The following NUP54 variants were observed in gnomAD, a reference collection of about 807,000 sequenced individuals.
NUP54 encodes nucleoporin 54, also known as nucleoporin p54.
In NUP54, 27 loss-of-function variants were observed where a neutral mutation model predicts 66.4. That is an observed-to-expected ratio of 0.41 (90% CI 0.30 to 0.56). NUP54 has a LOEUF of 0.56. Ranked by LOEUF, NUP54 falls within the 20% of genes least tolerant of loss-of-function variation. The pLI is 0.34. For synonymous variants in NUP54, 206 were observed against 210.7 expected (o/e 0.98, Z 0.19); for missense variants, 486 against 596.3 (o/e 0.82, Z 1.93).
At chr4:76,116,887 C>A (rs777460930) in intron 11 of NUP54, among the ~76,000 whole-genome samples, 2 of 152,034 alleles carry the variant, frequency 1.3e-5, no homozygotes, top group Non-Finnish European at 2.9e-5. Context: ...ATCTTTTTGG[C>A]GAGGAGAGGG....
chr4:76,134,099 C>G, intron 5 of NUP54, 76 bp downstream of exon 5: 1 of 1,057,730 alleles, frequency 9.5e-7, no homozygotes, highest in Non-Finnish European at 1.3e-6. Flanking sequence ...GCTTTAGCAA[C>G]AAAAACATTA....
chr4:76,141,996 T>G (rs1269464002), intron 3 of NUP54, among the ~76,000 whole-genome samples: 1 of 152,156 alleles, frequency 6.6e-6, no homozygotes, highest in Non-Finnish European at 1.5e-5. Flanking sequence ...TCCTTGACTA[T>G]GAGCAAGGAT....
intron 1 of NUP54, among the ~76,000 whole-genome samples, chr4:76,146,455 A>G (rs1731503318): frequency 6.6e-6 from 1 of 152,268 alleles, no homozygotes; most frequent in African/African-American, 2.4e-5. Context: ...ATTAAAATGC[A>G]TCATCTTGTC....
chr4:76,127,432 C>CA (rs59383944), intron 8 of NUP54, among the ~76,000 whole-genome samples: 564 of 54,282 alleles, frequency 0.01, 7 homozygotes, highest in South Asian at 0.023. Flanking sequence ...ACCCCCATCT[C>CA]AAAAAAAAAA....
At chr4:76,134,075 G>A (rs962227752) in intron 5 of NUP54, 100 bp downstream of exon 5, 2 of 736,186 alleles carry the variant, frequency 2.7e-6, no homozygotes, top group African/African-American at 3.6e-5. Flanking sequence ...ATTCTGCTCT[G>A]AGAGTTAATT....
At position 76,148,321 on chromosome 4, in the gene NUP54, G is replaced by A. The variant is rs35442986; in HGVS notation, c.54C>T (p.Thr18=). The A allele has an allele frequency of 0.016, 24,118 of 1,524,078 alleles. 2,359 individuals carry two copies. In the African/African-American group the frequency reaches 0.25, roughly 16 times the overall value. The allele number at this position is 1,524,078 out of a possible 1,614,324, so 94.4% of individuals were successfully genotyped here. Residue 18 remains threonine (T), a synonymous_variant, in exon 1 of 12, where the codon ACC becomes ACT. Transcript: ENST00000264883. ...PSGTSGTAAA[T]AAPAGGFGGF... ...GGGATCACTCACCCGCGGGGGCCGC[G>A]GTGGCTGCAGCGGTACCGGAGGTGC... is the stretch of plus-strand genomic sequence containing the variant.
intron 3 of NUP54, among the ~76,000 whole-genome samples, chr4:76,139,877 G>C (rs1731190936): frequency 6.6e-6 from 1 of 152,050 alleles, no homozygotes; most frequent in Non-Finnish European, 1.5e-5. Context: ...TTCTTTGTTA[G>C]CATTTTTCAT....
At chr4:76,122,004 T>C (rs539001955) in intron 9 of NUP54, among the ~76,000 whole-genome samples, 2 of 152,378 alleles carry the variant, frequency 1.3e-5, no homozygotes, top group East Asian at 1.9e-4. Flanking sequence ...ATAATGATGA[T>C]AATATTGGGT....
At chr4:76,132,293 T>C in intron 6 of NUP54, 1 of 305,322 alleles carries the variant, frequency 3.3e-6, no homozygotes, top group Non-Finnish European at 5.9e-6. Context: ...GGACTATTTT[T>C]CTTCAGTTCA....
At chr4:76,139,355 CA>C (rs886245153) in intron 3 of NUP54, among the ~76,000 whole-genome samples, 25 of 152,260 alleles carry the variant, frequency 1.6e-4, no homozygotes, top group African/African-American at 5.8e-4. Context: ...GCACCACTTG[CA>C]AAATGTTCTT....
intron 1 of NUP54, chr4:76,146,086 T>C (rs1331635329): frequency 4.5e-6 from 2 of 449,178 alleles, no homozygotes; most frequent in Admixed American, 4.9e-5. Context: ...AGTCAGTTTC[T>C]CATCATGCTC....
At chr4:76,123,039 A>G (rs1560676661) in intron 9 of NUP54, among the ~76,000 whole-genome samples, 1 of 152,212 alleles carries the variant, frequency 6.6e-6, no homozygotes, top group Admixed American at 6.5e-5. Flanking sequence ...GTTGCATAGG[A>G]CTGACAGATT....
In NUP54 at chr4:76,115,367, C is replaced by T; in HGVS notation, c.1523G>A (p.Ter508=). Residue 508 remains the stop codon, a stop_retained_variant, in exon 12 of 12, where the codon TGA becomes TAA. Coordinates refer to ENST00000264883, the MANE Select transcript of NUP54 (RefSeq NM_017426.4). ...ACCTTTACACAAGTTTGTGAACTGTCAACTAAAGACACCACCTCTGATGTG... is the reference window on the plus strand; with the variant it reads ...ACCTTTACACAAGTTTGTGAACTGTTAACTAAAGACACCACCTCTGATGTG... ...TIHIRGGVFS[*] 4 of 1,588,238 alleles carry T rather than the reference C, an allele frequency of 2.5e-6. No homozygotes were observed. The highest frequency in any genetic ancestry group is 3.4e-6 in the Non-Finnish European group (4 of 1,170,688).
At chr4:76,118,429 A>T in intron 9 of NUP54, 1 of 439,002 alleles carries the variant, frequency 2.3e-6, no homozygotes, top group Non-Finnish European at 4.2e-6. Context: ...TCTGTCTCCC[A>T]GGCTGAAGTG....
intron 3 of NUP54, among the ~76,000 whole-genome samples, chr4:76,140,341 A>C (rs987691016): frequency 2.1e-5 from 3 of 140,618 alleles, no homozygotes; most frequent in African/African-American, 8.1e-5. Flanking sequence ...GCTGGAGTCC[A>C]GTGGTGCGAT....
At position 76,132,607 on chromosome 4, in the gene NUP54, G is replaced by C. The variant is rs567465667; in HGVS notation, c.823C>G (p.Gln275Glu). The C allele has an allele frequency of 4.3e-6, 7 of 1,614,074 alleles. No individual in the cohort carries two copies. In the South Asian group the frequency reaches 4.4e-5, roughly 10 times the overall value. The change falls in exon 6 of 12, where the codon CAG becomes GAG. Residue 275 changes from glutamine to glutamate, a missense_variant. Physicochemically the swap from Gln to Glu is conservative, Grantham distance 29. Transcript: ENST00000264883. ...ATAGAAAGGGTTACACCAAGTTGCT[G>C]CAATTGTGTTTTTATATTGGCTTGT... is the stretch of plus-strand genomic sequence containing the variant. ...FEQANIKTQL[Q>E]QLGVTLSMTR...
chr4:76,138,307 T>G (rs1024532850), intron 3 of NUP54, among the ~76,000 whole-genome samples: 2 of 151,840 alleles, frequency 1.3e-5, no homozygotes, highest in Admixed American at 6.6e-5. Flanking sequence ...CCGAGACATA[T>G]GCAGTCAGCC....
At chr4:76,145,089 G>T (rs79720682) in intron 1 of NUP54, among the ~76,000 whole-genome samples, 6 of 151,610 alleles carry the variant, frequency 4.0e-5, no homozygotes, top group Admixed American at 1.3e-4. Context: ...GAGGCCGAGG[G>T]GGGTGGATCA....
Position 76,144,379 on chromosome 4 carries a change from T to TG in NUP54, c.151+10dup. The TG allele has an allele frequency of 6.2e-7, 1 of 1,602,120 alleles. No individual in the cohort carries two copies. Among genetic ancestry groups the TG allele is most frequent in the South Asian group, 1.1e-5 (1 of 87,744 alleles). Reference sequence around the variant, plus strand: ...ATTTACTTCTATGAATGACTTAAGATGGCCTCTTACCAGTAGTGCCTGTGT... The same window carrying TG: ...ATTTACTTCTATGAATGACTTAAGATGGGCCTCTTACCAGTAGTGCCTGTGT... On this transcript the variant is annotated intron_variant, in intron 2 of 11. Transcript: ENST00000264883.
Sources: allele counts gnomAD v4.1 joint callset (sites outside exome capture counted in the v4.1 genomes callset), GRCh38; gene constraint gnomAD v4.1.1; transcripts MANE v1.5; gene names NCBI Gene and HGNC (gene_info 2026-07-23, HGNC 2026-07-21).